Variants in NLN observed in about 807,000 individuals in gnomAD.
NLN encodes neurolysin, mitochondrial.
A neutral mutation model predicts 79.9 loss-of-function variants in NLN; 64 were observed. That is an observed-to-expected ratio of 0.80 (90% confidence interval 0.65 to 0.99). The LOEUF (loss-of-function observed/expected upper bound fraction) is 0.99. Ranked by LOEUF, NLN falls within the 50% of genes least tolerant of loss-of-function variation. NLN has a pLI of 0.00. For missense variants in NLN, 835 were observed against 858.7 expected (o/e 0.97, Z 0.34); for synonymous variants, 267 against 296.6 (o/e 0.90, Z 1.02).
At chr5:65,771,531 G>GT (rs1759565121) in intron 3 of NLN, among the ~76,000 whole-genome samples, 1 of 152,128 alleles carries the variant, frequency 6.6e-6, no homozygotes, top group African/African-American at 2.4e-5. Context: ...TTGTAATATT[G>GT]TTTATTTATT....
At chr5:65,809,342 C>T in intron 9 of NLN, 173 bp from the exon 10 acceptor site, 2 of 554,348 alleles carry the variant, frequency 3.6e-6, no homozygotes, top group Non-Finnish European at 6.3e-6. Flanking sequence ...GTTTTTCACA[C>T]TGTTCAGCTG....
At chr5:65,775,647 C>G (rs1214034328) in intron 3 of NLN, among the ~76,000 whole-genome samples, 1 of 152,212 alleles carries the variant, frequency 6.6e-6, no homozygotes, top group Non-Finnish European at 1.5e-5. Flanking sequence ...CTAGATCAAC[C>G]CAAGTTAATC....
chr5:65,724,112 T>A (rs534202060), intron 1 of NLN, among the ~76,000 whole-genome samples: 72 of 150,570 alleles, frequency 4.8e-4, no homozygotes, highest in East Asian at 7.8e-4. Context: ...CCCTTTTTTT[T>A]AAAATTGTGG....
At chr5:65,736,836 C>T in intron 1 of NLN, among the ~76,000 whole-genome samples, 1 of 152,116 alleles carries the variant, frequency 6.6e-6, no homozygotes, top group African/African-American at 2.4e-5. Flanking sequence ...CATGGTGGCT[C>T]ACGCCTGTAA....
At chr5:65,772,833 T>A (rs1322344421) in intron 3 of NLN, among the ~76,000 whole-genome samples, 1 of 151,424 alleles carries the variant, frequency 6.6e-6, no homozygotes, top group African/African-American at 2.4e-5. Context: ...CAGGCTCAAG[T>A]GATTCTCCCA....
chr5:65,822,835 A>G lies in NLN; in HGVS notation c.2035A>G (p.Met679Val). The change falls in exon 13 of 13, where the codon ATG becomes GTG. Residue 679 changes from methionine (M) to valine (V), a missense_variant. Physicochemically the swap from Met to Val is conservative, Grantham distance 21. Coordinates refer to ENST00000380985, the MANE Select transcript of NLN (RefSeq NM_020726.5). Reference sequence around the variant, plus strand: ...GAAACCTGGGGGATCTCTGGACGGCATGGACATGCTCCACAATTTCTTGAA... The same window carrying G: ...GAAACCTGGGGGATCTCTGGACGGCGTGGACATGCTCCACAATTTCTTGAA... Reference protein sequence around the residue: ...ILKPGGSLDGMDMLHNFLKRE... With the variant: ...ILKPGGSLDGVDMLHNFLKRE... 3 of 1,611,976 alleles carry G rather than the reference A, an allele frequency of 1.9e-6. No individual in the cohort carries two copies. Among genetic ancestry groups the G allele is most frequent in the Non-Finnish European group, 2.5e-6 (3 of 1,178,036 alleles).
At chr5:65,769,846 A>T (rs1759531229) in intron 3 of NLN, among the ~76,000 whole-genome samples, 1 of 152,194 alleles carries the variant, frequency 6.6e-6, no homozygotes, top group South Asian at 2.1e-4. Context: ...AAACCCTTCA[A>T]GGGAGGGAGG....
At chr5:65,818,039 C>G (rs1760707528) in intron 12 of NLN, among the ~76,000 whole-genome samples, 1 of 152,180 alleles carries the variant, frequency 6.6e-6, no homozygotes, top group Non-Finnish European at 1.5e-5. Context: ...TCAGGTTTCG[C>G]CTGACTTGAG....
chr5:65,773,115 G>A (rs986749179), intron 3 of NLN, among the ~76,000 whole-genome samples: 1 of 142,966 alleles, frequency 7.0e-6, no homozygotes, highest in Non-Finnish European at 1.5e-5. Flanking sequence ...ACCACACCCA[G>A]CCCTGAATTC....
chr5:65,761,378 C>T (rs1013321973), intron 2 of NLN, among the ~76,000 whole-genome samples: 3 of 151,916 alleles, frequency 2.0e-5, no homozygotes, highest in African/African-American at 4.8e-5. Flanking sequence ...CTGCAACCTC[C>T]GCCTCCCGGG....
intron 1 of NLN, among the ~76,000 whole-genome samples, chr5:65,743,167 CTATGGCTAGCAT>C (rs1283536035): frequency 6.6e-6 from 1 of 152,172 alleles, no homozygotes; most frequent in Non-Finnish European, 1.5e-5. Context: ...GCTGGTATAG[CTATGGCTAGCAT>C]TGGGTAGTAA....
In NLN at chr5:65,823,243, T is replaced by C. The variant is rs1172149146; in HGVS notation, c.*328T>C. The C allele has an allele frequency of 5.1e-6, 1 of 195,760 alleles. No homozygotes were observed. Among genetic ancestry groups the C allele is most frequent in the Admixed American group, 5.5e-5 (1 of 18,304 alleles). 12.1% of individuals were successfully genotyped at this position (195,760 alleles called of 1,614,324 possible). A position where few individuals can be genotyped will look rare whatever the true frequency, so the allele number is the denominator to read the frequency against. ...ATAAGAGGGCTAAGAATTTTTAAAT[T>C]GAATCATATATATGATATAATTTGA... On this transcript the variant is annotated 3_prime_UTR_variant, in exon 13 of 13. Coordinates refer to ENST00000380985, the MANE Select transcript of NLN (RefSeq NM_020726.5).
intron 4 of NLN, among the ~76,000 whole-genome samples, chr5:65,777,836 A>G (rs1417247875): frequency 6.6e-6 from 1 of 152,258 alleles, no homozygotes; most frequent in African/African-American, 2.4e-5. Flanking sequence ...GAAAATAGGG[A>G]AACAGATGGG....
chr5:65,805,510 A>G (rs1310943687), intron 9 of NLN, among the ~76,000 whole-genome samples: 2 of 152,236 alleles, frequency 1.3e-5, no homozygotes, highest in African/African-American at 4.8e-5. Flanking sequence ...GAAACCAGCT[A>G]CAACATTCCC....
intron 1 of NLN, 35 bp from the exon 2 acceptor site, chr5:65,758,532 T>C (rs760048507): frequency 6.6e-7 from 1 of 1,504,574 alleles, no homozygotes; most frequent in Non-Finnish European, 9.2e-7. Flanking sequence ...CCAACAGAAA[T>C]CCCTAATTCT....
chr5:65,801,671 G>C (rs1760288247), intron 9 of NLN, among the ~76,000 whole-genome samples: 1 of 152,108 alleles, frequency 6.6e-6, no homozygotes, highest in Non-Finnish European at 1.5e-5. Context: ...AGACATTGTT[G>C]ATCTTTCATT....
At chr5:65,766,756 G>C (rs748981556) in intron 3 of NLN, among the ~76,000 whole-genome samples, 2 of 152,212 alleles carry the variant, frequency 1.3e-5, no homozygotes, top group African/African-American at 2.4e-5. Flanking sequence ...TCAAAGACAA[G>C]TTAGTTACTT....
intron 3 of NLN, among the ~76,000 whole-genome samples, chr5:65,773,708 C>A (rs888166979): frequency 6.6e-6 from 1 of 152,060 alleles, no homozygotes; most frequent in Admixed American, 6.6e-5. Flanking sequence ...GTTGGGAAGC[C>A]GAGGCAGGTG....
chr5:65,724,836 C>A, intron 1 of NLN, among the ~76,000 whole-genome samples: 1 of 141,360 alleles, frequency 7.1e-6, no homozygotes, highest in East Asian at 2.1e-4. Flanking sequence ...GAGTCTCTCT[C>A]TGTCGCCCAG....
Sources: allele counts gnomAD v4.1 joint callset (sites outside exome capture counted in the v4.1 genomes callset), GRCh38; gene constraint gnomAD v4.1.1; transcripts MANE v1.5; gene names NCBI Gene and HGNC (gene_info 2026-07-23, HGNC 2026-07-21).